The following ADGRL3 variants were observed in gnomAD, a reference collection of about 807,000 sequenced individuals.
The protein encoded by ADGRL3 is adhesion G protein-coupled receptor L3, also known as calcium-independent alpha-latrotoxin receptor 3.
In ADGRL3, 62 loss-of-function variants were observed where a neutral mutation model predicts 153.5. The observed-to-expected ratio is 0.40, with a 90% CI of 0.33 to 0.50. The LOEUF is 0.50. Among genes scored for constraint, ADGRL3 ranks in the 20% least tolerant of loss-of-function variants. The pLI is 0.47. For missense variants in ADGRL3, 1,641 were observed against 1,859.4 expected (o/e 0.88, Z 2.16); for synonymous variants, 710 against 672.5 (o/e 1.06, Z -0.86).
intron 19 of ADGRL3, among the ~76,000 whole-genome samples, chr4:61,991,913 A>G (rs1455620756): frequency 2.7e-5 from 4 of 148,122 alleles, no homozygotes; most frequent in African/African-American, 7.3e-5. Flanking sequence ...ATTTATATAT[A>G]AATATATTTA....
intron 1 of ADGRL3, among the ~76,000 whole-genome samples, chr4:61,234,910 T>G (rs2149244414): frequency 6.6e-6 from 1 of 152,270 alleles, no homozygotes; most frequent in African/African-American, 2.4e-5. Context: ...TGGTTTTTGT[T>G]TACTGCCTTG....
intron 2 of ADGRL3, among the ~76,000 whole-genome samples, chr4:61,409,284 T>TATATATATTAGACGTCCATTATATATA (rs2097051345): frequency 1.5e-5 from 2 of 136,696 alleles, no homozygotes; most frequent in African/African-American, 5.7e-5. Context: ...TAATATATAT[T>TATATATATTAGACGTCCATTATATATA]ATATATATTA....
intron 13 of ADGRL3, among the ~76,000 whole-genome samples, chr4:61,925,318 G>C (rs1054573875): frequency 1.3e-5 from 2 of 152,012 alleles, no homozygotes; most frequent in Non-Finnish European, 2.9e-5. Context: ...CCTCTATTTT[G>C]TTAGTGTTTC....
intron 5 of ADGRL3, among the ~76,000 whole-genome samples, chr4:61,620,926 ACAGCGCC>A (rs2092462690): frequency 6.6e-6 from 1 of 152,142 alleles, no homozygotes. Flanking sequence ...GGCGTGAGCC[ACAGCGCC>A]CAGCCAATTG....
At chr4:61,881,489 C>T (rs1241256324) in intron 9 of ADGRL3, among the ~76,000 whole-genome samples, 1 of 152,292 alleles carries the variant, frequency 6.6e-6, no homozygotes, top group East Asian at 1.9e-4. Context: ...AGCAATTCTC[C>T]TGACTCAGCC....
At chr4:61,773,386 G>A (rs956414382) in intron 8 of ADGRL3, among the ~76,000 whole-genome samples, 7 of 152,040 alleles carry the variant, frequency 4.6e-5, no homozygotes, top group Non-Finnish European at 2.9e-5. Flanking sequence ...GTCTCATTCG[G>A]CCTCAAGCTG....
chr4:61,593,080 A>G (rs141970921), intron 5 of ADGRL3, among the ~76,000 whole-genome samples: 2 of 152,268 alleles, frequency 1.3e-5, no homozygotes, highest in East Asian at 1.9e-4. Context: ...ACCGATGACA[A>G]CTTAACACTG....
At chr4:61,493,639 C>A (rs2098280810) in intron 2 of ADGRL3, among the ~76,000 whole-genome samples, 2 of 152,134 alleles carry the variant, frequency 1.3e-5, no homozygotes, top group Admixed American at 1.3e-4. Flanking sequence ...AAAGCACCAC[C>A]CGTTGTGTGT....
intron 15 of ADGRL3, among the ~76,000 whole-genome samples, chr4:61,938,041 G>A (rs1476752283): frequency 6.6e-6 from 1 of 152,082 alleles, no homozygotes; most frequent in African/African-American, 2.4e-5. Context: ...GCAGGCATAA[G>A]TCATCACACC....
intron 25 of ADGRL3, among the ~76,000 whole-genome samples, chr4:62,065,461 G>C (rs1742500680): frequency 6.6e-6 from 1 of 151,778 alleles, no homozygotes; most frequent in Admixed American, 6.6e-5. Context: ...TTTTTTCTTT[G>C]TTTTCCTTAG....
intron 5 of ADGRL3, among the ~76,000 whole-genome samples, chr4:61,646,473 T>C (rs1414067448): frequency 6.6e-6 from 1 of 151,902 alleles, no homozygotes; most frequent in Non-Finnish European, 1.5e-5. Flanking sequence ...GGTGTGGATG[T>C]CCTTTCTGTT....
At chr4:62,033,271 T>A (rs1723160717) in intron 23 of ADGRL3, among the ~76,000 whole-genome samples, 1 of 151,526 alleles carries the variant, frequency 6.6e-6, no homozygotes, top group South Asian at 2.1e-4. Flanking sequence ...TTTTTTTTTA[T>A]CAGATAGGGT....
chr4:61,572,690 T>C (rs1045249816), intron 4 of ADGRL3, among the ~76,000 whole-genome samples: 1 of 152,038 alleles, frequency 6.6e-6, no homozygotes, highest in Non-Finnish European at 1.5e-5. Context: ...TACTATAAAT[T>C]AAATAATATA....
chr4:61,581,539 T>C (rs1261449368), intron 4 of ADGRL3, among the ~76,000 whole-genome samples: 1 of 152,038 alleles, frequency 6.6e-6, no homozygotes, highest in Non-Finnish European at 1.5e-5. Flanking sequence ...TAAAGGGCCA[T>C]AGTTGCTGTG....
chr4:61,562,155 C>T (rs2098797649), intron 4 of ADGRL3, among the ~76,000 whole-genome samples: 1 of 152,072 alleles, frequency 6.6e-6, no homozygotes, highest in Admixed American at 6.6e-5. Context: ...ATTAGGTGTG[C>T]AGTAGCATTA....
At chr4:61,978,120 A>G (rs911254448) in intron 17 of ADGRL3, among the ~76,000 whole-genome samples, 2 of 152,194 alleles carry the variant, frequency 1.3e-5, no homozygotes, top group Non-Finnish European at 2.9e-5. Flanking sequence ...GGCAACTTCC[A>G]TCCTAAAACA....
intron 1 of ADGRL3, among the ~76,000 whole-genome samples, chr4:61,278,880 C>A (rs1280464852): frequency 6.6e-6 from 1 of 152,144 alleles, no homozygotes; most frequent in African/African-American, 2.4e-5. Context: ...CAAAAAGGAA[C>A]AGATAGGAGC....
chr4:61,826,679 A>T (rs531229534), intron 9 of ADGRL3, among the ~76,000 whole-genome samples: 11 of 152,272 alleles, frequency 7.2e-5, no homozygotes, highest in African/African-American at 2.6e-4. Context: ...TTCAATTTTT[A>T]AAAATGACTG....
At chr4:61,641,309 T>A (rs2093656950) in intron 5 of ADGRL3, among the ~76,000 whole-genome samples, 1 of 152,072 alleles carries the variant, frequency 6.6e-6, no homozygotes. Flanking sequence ...TTTATTATTA[T>A]TGTACTTTAA....
Sources: allele counts gnomAD v4.1 joint callset (sites outside exome capture counted in the v4.1 genomes callset), GRCh38; gene constraint gnomAD v4.1.1; transcripts MANE v1.5; gene names NCBI Gene and HGNC (gene_info 2026-07-23, HGNC 2026-07-21).